Variants in HDAC9 observed in about 807,000 individuals in gnomAD.
HDAC9 encodes the protein MEF-2 interacting transcription repressor (MITR) protein.
Under a neutral mutation model 139.4 loss-of-function variants are expected in HDAC9, and 41 were observed. The observed-to-expected ratio is 0.29, with a 90% confidence interval of 0.23 to 0.38. HDAC9 has a LOEUF of 0.38. Among genes scored for constraint, HDAC9 ranks in the 10% least tolerant of loss-of-function variants. The pLI, the probability that HDAC9 is intolerant of heterozygous loss-of-function variation, is 1.00. For synonymous variants in HDAC9, 517 were observed against 476.2 expected, an observed-to-expected ratio of 1.09 and a Z score of -1.12; for missense variants, 1,147 against 1,297.0, an observed-to-expected ratio of 0.88 and a Z score of 1.78.
At chr7:18,107,432 A>T (rs1330009177) in intron 1 of HDAC9, among the ~76,000 whole-genome samples, 4 of 152,310 alleles carry the variant, frequency 2.6e-5, no homozygotes, top group African/African-American at 9.6e-5. Flanking sequence ...CCTACTGAAG[A>T]TCAGAGATCT....
Position 18,983,431 on chromosome 7 carries a change from T to A in HDAC9, c.3170+7478T>A, listed in dbSNP as rs143030119. On this transcript the variant is annotated intron_variant, in intron 25 of 25. Coordinates refer to ENST00000686413, the MANE Select transcript of HDAC9 (RefSeq NM_178425.4). Reference sequence around the variant, plus strand: ...GAACATGGATGTGCAAATAACTCTTTAAGTTCCTATTTTCAGTTTTTTTGG... The same window carrying A: ...GAACATGGATGTGCAAATAACTCTTAAAGTTCCTATTTTCAGTTTTTTTGG... Among the ~76,000 whole-genome samples, 270 of 152,310 alleles carry A rather than the reference T, an allele frequency of 1.8e-3. 3 individuals carry two copies. Among genetic ancestry groups the A allele is most frequent in the African/African-American group, 6.2e-3 (258 of 41,574 alleles).
chr7:18,231,501 C>A (rs1481695484), intron 2 of HDAC9, among the ~76,000 whole-genome samples: 4 of 152,038 alleles, frequency 2.6e-5, no homozygotes, highest in African/African-American at 4.8e-5. Flanking sequence ...ATTCAAGAAT[C>A]CCTTAAAGTG....
At chr7:18,371,503 G>A (rs965155528) in intron 1 of HDAC9, among the ~76,000 whole-genome samples, 2 of 151,766 alleles carry the variant, frequency 1.3e-5, no homozygotes, top group Admixed American at 1.3e-4. Context: ...AGTCTATTTT[G>A]GTATCCATTA....
At chr7:18,129,875 A>G (rs1331435887) in intron 1 of HDAC9, among the ~76,000 whole-genome samples, 3 of 152,288 alleles carry the variant, frequency 2.0e-5, no homozygotes, top group Non-Finnish European at 4.4e-5. Context: ...TAGGGAGAGC[A>G]TCCGGTTTCA....
chr7:18,180,129 A>G (rs984135599), intron 2 of HDAC9, among the ~76,000 whole-genome samples: 1 of 151,788 alleles, frequency 6.6e-6, no homozygotes, highest in Non-Finnish European at 1.5e-5. Flanking sequence ...TCCTACCCCC[A>G]GTAGTGAGCG....
intron 1 of HDAC9, among the ~76,000 whole-genome samples, chr7:18,485,404 A>G (rs1314312630): frequency 6.6e-6 from 1 of 151,550 alleles, no homozygotes; most frequent in Non-Finnish European, 1.5e-5. Context: ...AGTGATATTC[A>G]TATGATGAAA....
chr7:18,757,784 A>G (rs985864674), intron 14 of HDAC9, among the ~76,000 whole-genome samples: 5 of 152,114 alleles, frequency 3.3e-5, no homozygotes, highest in Admixed American at 3.3e-4. Flanking sequence ...ATCCTGTCAC[A>G]GTATGACTTT....
intron 1 of HDAC9, among the ~76,000 whole-genome samples, chr7:18,466,361 T>A (rs1274294761): frequency 6.6e-6 from 1 of 152,120 alleles, no homozygotes; most frequent in East Asian, 1.9e-4. Context: ...CACACCTGGC[T>A]AATTTTTGTA....
chr7:18,691,168 G>A (rs764954543), intron 12 of HDAC9, among the ~76,000 whole-genome samples: 42 of 151,958 alleles, frequency 2.8e-4, no homozygotes, highest in Non-Finnish European at 4.4e-4. Flanking sequence ...CTGAGACGGT[G>A]CATTCAGGAG....
chr7:18,331,536 G>C (rs1416413819), intron 1 of HDAC9, among the ~76,000 whole-genome samples: 1 of 151,524 alleles, frequency 6.6e-6, no homozygotes, highest in Non-Finnish European at 1.5e-5. Context: ...GAATGTAACA[G>C]AAATGTTTAA....
chr7:18,507,859 A>G (rs1044423952), intron 2 of HDAC9, among the ~76,000 whole-genome samples: 3 of 152,248 alleles, frequency 2.0e-5, no homozygotes, highest in African/African-American at 4.8e-5. Flanking sequence ...ATTGAAATGT[A>G]TCTTAAAAGA....
chr7:18,531,467 T>A (rs543451096), intron 2 of HDAC9, among the ~76,000 whole-genome samples: 46 of 152,168 alleles, frequency 3.0e-4, no homozygotes, highest in African/African-American at 1.1e-3. Flanking sequence ...TGTGCTAATA[T>A]GTATGTAATT....
intron 16 of HDAC9, 38 bp from the exon 17 acceptor site, chr7:18,793,307 C>A: frequency 7.2e-7 from 1 of 1,394,300 alleles, no homozygotes; most frequent in Non-Finnish European, 1.0e-6. Context: ...CTTTCGCTTT[C>A]TTCTTCTGTC....
chr7:18,693,112 A>C (rs1190103165), intron 12 of HDAC9, among the ~76,000 whole-genome samples: 1 of 152,004 alleles, frequency 6.6e-6, no homozygotes, highest in Non-Finnish European at 1.5e-5. Context: ...AAAGAAAAAA[A>C]TTTAAATAGT....
intron 6 of HDAC9, among the ~76,000 whole-genome samples, chr7:18,608,738 G>A (rs1224661029): frequency 6.6e-6 from 1 of 152,092 alleles, no homozygotes; most frequent in African/African-American, 2.4e-5. Flanking sequence ...ACCACACTTT[G>A]TGCTGGGCCT....
At chr7:18,578,825 TGGAGAAGG>T (rs1434620884) in intron 2 of HDAC9, among the ~76,000 whole-genome samples, 1 of 152,142 alleles carries the variant, frequency 6.6e-6, no homozygotes, top group Admixed American at 6.5e-5. Flanking sequence ...CATTTTCTTT[TGGAGAAGG>T]CTCCCAGTGA....
chr7:18,209,169 C>T (rs1791757153), intron 2 of HDAC9, among the ~76,000 whole-genome samples: 1 of 152,150 alleles, frequency 6.6e-6, no homozygotes, highest in African/African-American at 2.4e-5. Context: ...GGTTTTGTGA[C>T]CTTTTACATT....
chr7:18,182,967 C>T (rs1789574751), intron 2 of HDAC9, among the ~76,000 whole-genome samples: 1 of 151,538 alleles, frequency 6.6e-6, no homozygotes, highest in South Asian at 2.1e-4. Context: ...GCTTTCAGGG[C>T]AGTATCTTAT....
intron 22 of HDAC9, among the ~76,000 whole-genome samples, chr7:18,879,999 A>C (rs2129253749): frequency 6.6e-6 from 1 of 152,312 alleles, no homozygotes; most frequent in Middle Eastern, 3.4e-3. Context: ...TGGGGAAAGG[A>C]CATGAACAGA....
Sources: gnomAD v4.1 joint callset for allele counts (sites outside exome capture counted in the v4.1 genomes callset) on GRCh38, gnomAD v4.1.1 for gene constraint, MANE v1.5 for transcripts, NCBI Gene and HGNC (gene_info 2026-07-23, HGNC 2026-07-21) for gene names.